The following CHN1 variants were observed in gnomAD, a reference collection of about 807,000 sequenced individuals.
The protein encoded by CHN1 is N-chimaerin.
A neutral mutation model predicts 59.5 loss-of-function variants in CHN1; 37 were observed. The observed-to-expected ratio is 0.62, with a 90% CI of 0.48 to 0.82. The LOEUF (loss-of-function observed/expected upper bound fraction) is 0.82, where lower values mean the gene tolerates loss of function less well. Ranked by LOEUF, CHN1 falls within the 40% of genes least tolerant of loss-of-function variation. The pLI, the probability that CHN1 is intolerant of heterozygous loss-of-function variation, is 0.00. For synonymous variants in CHN1, 206 were observed against 200.4 expected (o/e 1.03, Z -0.24); for missense variants, 469 against 571.0 (o/e 0.82, Z 1.82).
chr2:174,807,446 CTG>C (rs71031071), intron 11 of CHN1, among the ~76,000 whole-genome samples: 5,374 of 83,466 alleles, frequency 0.064, 166 homozygotes, highest in Admixed American at 0.077. Context: ...CACGGGCTAT[CTG>C]TGTGTGTGTG....
chr2:174,979,566 A>G (rs1002523361), intron 1 of CHN1, among the ~76,000 whole-genome samples: 1 of 152,196 alleles, frequency 6.6e-6, no homozygotes, highest in South Asian at 2.1e-4. Context: ...TGTAATCCCA[A>G]CACTTTGGGA....
At chr2:174,871,878 T>C (rs1259417614) in intron 6 of CHN1, among the ~76,000 whole-genome samples, 1 of 152,204 alleles carries the variant, frequency 6.6e-6, no homozygotes, top group African/African-American at 2.4e-5. Flanking sequence ...ATGGGAGGCA[T>C]ACAATAAATG....
chr2:174,887,104 G>A (rs911286768), intron 5 of CHN1, among the ~76,000 whole-genome samples: 6 of 152,080 alleles, frequency 3.9e-5, no homozygotes, highest in Admixed American at 6.6e-5. Context: ...GGATAGCTAA[G>A]TTTTTAAGAT....
In CHN1 at chr2:174,817,708, G is replaced by A. The variant is rs544697181; in HGVS notation, c.713-5226C>T. ...GCTGGAGTGCAGTGGCGCGATCTCG[G>A]CTCACTGCAAGCTCCGCCTCCCAGG... On this transcript the variant is annotated intron_variant, in intron 8 of 12. Coordinates refer to ENST00000409900, the MANE Select transcript of CHN1 (RefSeq NM_001822.7). 5.3e-5 allele frequency among the ~76,000 whole-genome samples: 8 copies of A among 151,384 alleles called. No homozygotes were observed. The South Asian group carries it at 1.7e-3, about 32-fold the overall frequency.
At chr2:174,923,014 C>A (rs1689059880) in intron 3 of CHN1, among the ~76,000 whole-genome samples, 1 of 152,156 alleles carries the variant, frequency 6.6e-6, no homozygotes, top group African/African-American at 2.4e-5. Context: ...GGGTGGAGAA[C>A]AGACCTGAGG....
At chr2:174,850,837 A>T (rs1346253636) in intron 6 of CHN1, among the ~76,000 whole-genome samples, 14 of 152,218 alleles carry the variant, frequency 9.2e-5, no homozygotes, top group Non-Finnish European at 2.1e-4. Flanking sequence ...AAGTGGCAAG[A>T]AAAGGAGATA....
At chr2:174,821,721 A>C (rs1298791850) in intron 8 of CHN1, 1 of 463,102 alleles carries the variant, frequency 2.2e-6, no homozygotes, top group Admixed American at 2.4e-5. Flanking sequence ...GCAGAGTTGG[A>C]CCCTTACCAG....
At chr2:174,820,423 T>A (rs1685445108) in intron 8 of CHN1, among the ~76,000 whole-genome samples, 1 of 152,256 alleles carries the variant, frequency 6.6e-6, no homozygotes, top group African/African-American at 2.4e-5. Context: ...TGGCCAGTGA[T>A]GATGAGCATT....
chr2:174,943,124 T>C (rs1689718176), intron 3 of CHN1, among the ~76,000 whole-genome samples: 2 of 152,088 alleles, frequency 1.3e-5, no homozygotes, highest in Admixed American at 6.6e-5. Context: ...TTTTGGTGAT[T>C]ATGCTGTGAA....
intron 3 of CHN1, among the ~76,000 whole-genome samples, chr2:174,927,340 G>A (rs1280727899): frequency 1.3e-5 from 2 of 152,158 alleles, no homozygotes; most frequent in Non-Finnish European, 2.9e-5. Flanking sequence ...TTACAGGCAT[G>A]AGCCACCATG....
intron 1 of CHN1, among the ~76,000 whole-genome samples, chr2:174,955,252 T>C (rs1690170272): frequency 6.7e-6 from 1 of 149,486 alleles, no homozygotes; most frequent in Non-Finnish European, 1.5e-5. Context: ...GATAAATAGA[T>C]AGACATATAT....
chr2:174,815,700 C>T (rs935872), intron 8 of CHN1, among the ~76,000 whole-genome samples: 75,681 of 151,126 alleles, frequency 0.5, 19,362 homozygotes, highest in Admixed American at 0.62. Flanking sequence ...GTCATCTTGA[C>T]GTTGCTGTTG....
At chr2:174,802,001 A>G (rs1439411713) in intron 11 of CHN1, 189 bp from the exon 12 acceptor site, 6 of 464,802 alleles carry the variant, frequency 1.3e-5, no homozygotes, top group Non-Finnish European at 1.6e-5. Context: ...CTTAGTTTCA[A>G]TGTGGCAACA....
chr2:174,947,966 T>G (rs1442954034), intron 2 of CHN1, among the ~76,000 whole-genome samples: 1 of 152,194 alleles, frequency 6.6e-6, no homozygotes, highest in Non-Finnish European at 1.5e-5. Flanking sequence ...CATTAAATGA[T>G]TCACCAAAAA....
intron 6 of CHN1, among the ~76,000 whole-genome samples, chr2:174,866,990 G>A (rs1687236701): frequency 6.6e-6 from 1 of 151,558 alleles, no homozygotes; most frequent in East Asian, 1.9e-4. Context: ...AAATGAAAAA[G>A]CCATTTTGCA....
At chr2:174,890,727 C>T (rs1297137720) in intron 5 of CHN1, among the ~76,000 whole-genome samples, 1 of 152,084 alleles carries the variant, frequency 6.6e-6, no homozygotes, top group Non-Finnish European at 1.5e-5. Flanking sequence ...TATACCCCAA[C>T]TGAACCTAAT....
chr2:174,874,038 T>A (rs776667737), intron 6 of CHN1, among the ~76,000 whole-genome samples: 5 of 152,244 alleles, frequency 3.3e-5, no homozygotes, highest in Non-Finnish European at 7.3e-5. Flanking sequence ...GCTCACAGTA[T>A]GGCTTCAGAA....
intron 1 of CHN1, among the ~76,000 whole-genome samples, chr2:174,984,858 T>G (rs1691287092): frequency 6.6e-6 from 1 of 152,324 alleles, no homozygotes; most frequent in South Asian, 2.1e-4. Flanking sequence ...AAAATCGTTT[T>G]TAAAAAGAAA....
chr2:174,822,516 C>A (rs1287706678), intron 8 of CHN1, among the ~76,000 whole-genome samples: 1 of 152,176 alleles, frequency 6.6e-6, no homozygotes, highest in South Asian at 2.1e-4. Context: ...AAACAATATA[C>A]ACCCTTACTC....
Sources: allele counts gnomAD v4.1 joint callset (sites outside exome capture counted in the v4.1 genomes callset), GRCh38; gene constraint gnomAD v4.1.1; transcripts MANE v1.5; gene names NCBI Gene and HGNC (gene_info 2026-07-23, HGNC 2026-07-21).